NBEAL1: variants seen among roughly 807,000 people sequenced by gnomAD.
NBEAL1 encodes the protein neurobeachin-like protein 1.
In NBEAL1, 273 loss-of-function variants were observed where a neutral mutation model predicts 351.3. That is an observed-to-expected ratio of 0.78 (90% CI 0.70 to 0.86). The LOEUF (loss-of-function observed/expected upper bound fraction) is 0.86, where lower values mean the gene tolerates loss of function less well. Ranked by LOEUF, NBEAL1 falls within the 40% of genes least tolerant of loss-of-function variation. The pLI is 0.00. For missense variants in NBEAL1, 2,961 were observed against 3,201.3 expected (o/e 0.92, Z 1.81); for synonymous variants, 1,050 against 1,086.4 (o/e 0.97, Z 0.66).
chr2:203,161,362 G>A (rs1257961895), intron 36 of NBEAL1, among the ~76,000 whole-genome samples: 6 of 150,482 alleles, frequency 4.0e-5, no homozygotes, highest in African/African-American at 1.5e-4. Flanking sequence ...CAGGCGTGGT[G>A]GTTCACGCCT....
intron 9 of NBEAL1, among the ~76,000 whole-genome samples, chr2:203,083,871 C>T (rs1379753859): frequency 2.0e-5 from 3 of 152,096 alleles, no homozygotes; most frequent in South Asian, 4.1e-4. Context: ...GAGTCACATA[C>T]AGTGAATTTT....
rs2065946153 is a variant in NBEAL1 at position 203,220,782 on chromosome 2, A to G, written c.*3428A>G. Among the ~76,000 whole-genome samples, 1 of 152,194 alleles carries G rather than the reference A, an allele frequency of 6.6e-6. No individual in the cohort carries two copies. The highest frequency in any genetic ancestry group is 2.4e-5 in the African/African-American group (1 of 41,460). On this transcript the variant is annotated 3_prime_UTR_variant, in exon 56 of 56. Coordinates refer to ENST00000683969, the MANE Select transcript of NBEAL1 (RefSeq NM_001378026.1). The stretch of plus-strand genomic sequence containing the variant: ...AATAGATCAGGGCATAAAAATCAGG[A>G]AAGTATATAAAAATGAAGTTTGGCA...
Position 203,213,556 on chromosome 2 carries a change from C to G in NBEAL1, c.7973C>G (p.Pro2658Arg). ...LSINPLAMRL[P>R]IHCVCVTKEY... ...ATCAACCCATTAGCCATGCGACTGC[C>G]TATCCATTGTGTTTGTGTCACCAAA... Residue 2658 changes from proline (P) to arginine (R), a missense_variant, in exon 55 of 56, where the codon CCT becomes CGT. Coordinates refer to ENST00000683969, the MANE Select transcript of NBEAL1 (RefSeq NM_001378026.1). 3.7e-6 allele frequency: 6 copies of G among 1,613,892 alleles called. No homozygotes were observed. The highest frequency in any genetic ancestry group is 5.1e-6 in the Non-Finnish European group (6 of 1,179,856).
intron 54 of NBEAL1, among the ~76,000 whole-genome samples, chr2:203,213,273 G>T (rs939334351): frequency 2.0e-5 from 3 of 152,030 alleles, no homozygotes; most frequent in African/African-American, 7.2e-5. Flanking sequence ...TATTTTGTTT[G>T]ATTATATATG....
chr2:203,043,684 G>A lies in NBEAL1; in HGVS notation c.143+1828G>A, dbSNP rs546499256. Among the ~76,000 whole-genome samples, 7 of 150,760 alleles carry A rather than the reference G, an allele frequency of 4.6e-5. No homozygotes were observed. The South Asian group carries it at 8.4e-4, about 18-fold the overall frequency. On this transcript the variant is annotated intron_variant, in intron 3 of 55. Coordinates refer to ENST00000683969, the MANE Select transcript of NBEAL1 (RefSeq NM_001378026.1). ...GTTGAGGCTGTAGTGTGCTGTGATC[G>A]TGCCACTGCACTCCAGCCTGGGTGA...
chr2:203,127,863 C>A lies in NBEAL1; in HGVS notation c.3331C>A (p.Leu1111Met). Residue 1111 changes from leucine to methionine, a missense_variant, in exon 24 of 56, where the codon CTG (leucine) becomes ATG (methionine). Coordinates refer to ENST00000683969, the MANE Select transcript of NBEAL1 (RefSeq NM_001378026.1). ...TTTGTATGGACTAATTAAATATTTT[C>A]TGTGCAAAGGTGGATCTCATGAAGA... Reference protein sequence around the residue: ...TSLYGLIKYFLCKGGSHEEIQ... With the variant: ...TSLYGLIKYFMCKGGSHEEIQ... 1 of 1,550,150 alleles carries A rather than the reference C, an allele frequency of 6.5e-7. No individual in the cohort carries two copies. The highest frequency in any genetic ancestry group is 8.7e-7 in the Non-Finnish European group (1 of 1,143,882).
chr2:203,176,928 G>T (rs895636899), intron 42 of NBEAL1, among the ~76,000 whole-genome samples: 7 of 151,954 alleles, frequency 4.6e-5, no homozygotes, highest in Non-Finnish European at 8.8e-5. Context: ...AGGTCAGGTG[G>T]ATCACTTGAG....
chr2:203,122,418 G>A, intron 19 of NBEAL1, 75 bp downstream of exon 19: 1 of 895,258 alleles, frequency 1.1e-6, no homozygotes, highest in South Asian at 1.6e-5. Context: ...TGTTTTTAAA[G>A]CACTGCCAGA....
At position 203,220,516 on chromosome 2, in the gene NBEAL1, CT is replaced by C. The variant is rs1157188971; in HGVS notation, c.*3167del. Among the ~76,000 whole-genome samples, 1 of 151,748 alleles carries C rather than the reference CT, an allele frequency of 6.6e-6. No homozygotes were observed. Among genetic ancestry groups the C allele is most frequent in the East Asian group, 1.9e-4 (1 of 5,176 alleles). On this transcript the variant is annotated 3_prime_UTR_variant, in exon 56 of 56. Transcript: ENST00000683969. ...AAAAAAGTCTGTTATCTTTGCAAAA[CT>C]TTTTGTATGCTTTTGTTTCTTGATA...
At chr2:203,077,554 CG>C (rs944281392) in intron 7 of NBEAL1, among the ~76,000 whole-genome samples, 197 bp from the exon 8 acceptor site, 1 of 152,100 alleles carries the variant, frequency 6.6e-6, no homozygotes, top group African/African-American at 2.4e-5. Context: ...AGTGAGATGA[CG>C]TAAATACCTA....
chr2:203,182,976 AT>A (rs902606388), intron 43 of NBEAL1: 6 of 180,348 alleles, frequency 3.3e-5, no homozygotes, highest in Non-Finnish European at 6.9e-5. Flanking sequence ...TGTCCCTCTC[AT>A]TATTTTAAGT....
At chr2:203,099,316 A>G (rs2062255711) in intron 11 of NBEAL1, among the ~76,000 whole-genome samples, 2 of 151,804 alleles carry the variant, frequency 1.3e-5, no homozygotes, top group Non-Finnish European at 2.9e-5. Flanking sequence ...CCAATGAATG[A>G]TAGACCTCCC....
chr2:203,015,364 G>C (rs2060660039), intron 1 of NBEAL1, among the ~76,000 whole-genome samples: 1 of 152,096 alleles, frequency 6.6e-6, no homozygotes, highest in South Asian at 2.1e-4. Flanking sequence ...TGGGCGGGTG[G>C]ACTTCCACTC....
rs184283153 is a variant in NBEAL1, at chr2:203,221,592, C to G, written c.*4238C>G. ...ATCATCAGCCATACTCATGGCTTAT[C>G]CTACGCATTGTTCCTCTCATCAGCT... is the stretch of plus-strand genomic sequence containing the variant. On this transcript the variant is annotated 3_prime_UTR_variant, in exon 56 of 56. Coordinates refer to ENST00000683969, the MANE Select transcript of NBEAL1 (RefSeq NM_001378026.1). Among the ~76,000 whole-genome samples the G allele has an allele frequency of 2.3e-3, 343 of 152,214 alleles. 1 individual carries two copies. Among genetic ancestry groups the G allele is most frequent in the Non-Finnish European group, 4.6e-3 (315 of 68,012 alleles).
intron 44 of NBEAL1, among the ~76,000 whole-genome samples, chr2:203,187,572 G>A (rs938965103): frequency 4.7e-5 from 7 of 150,488 alleles, no homozygotes; most frequent in South Asian, 2.1e-4. Context: ...AAACCCCATC[G>A]CTACTAAAAA....
At chr2:203,193,548 T>C (rs1302702434) in intron 46 of NBEAL1, among the ~76,000 whole-genome samples, 3 of 151,914 alleles carry the variant, frequency 2.0e-5, no homozygotes, top group Non-Finnish European at 4.4e-5. Flanking sequence ...TAAAAGAGAA[T>C]AATACATTCT....
At chr2:203,029,809 C>G (rs2060922302) in intron 2 of NBEAL1, among the ~76,000 whole-genome samples, 1 of 151,970 alleles carries the variant, frequency 6.6e-6, no homozygotes, top group Admixed American at 6.6e-5. Context: ...TACAATATTA[C>G]TACTTTTGTT....
chr2:203,148,561 A>G (rs2063566716), intron 33 of NBEAL1, among the ~76,000 whole-genome samples: 1 of 152,120 alleles, frequency 6.6e-6, no homozygotes, highest in African/African-American at 2.4e-5. Flanking sequence ...CATTAATTTC[A>G]CAGATTAAAA....
rs368351172 is a variant in NBEAL1, at chr2:203,135,927, C to T, written c.4064C>T (p.Ser1355Leu). 206 of 1,614,144 alleles carry T rather than the reference C, an allele frequency of 1.3e-4. No individual in the cohort carries two copies. The highest frequency in any genetic ancestry group is 1.5e-4 in the South Asian group (14 of 91,078). The change falls in exon 28 of 56, where the codon TCG becomes TTG. Residue 1355 changes from serine to leucine, a missense_variant. By Grantham distance (145) the Ser-to-Leu change is moderately radical. Transcript: ENST00000683969. The stretch of plus-strand genomic sequence containing the variant: ...TCTTTTGCCTCAGCTAATGTGTCTT[C>T]GGATCAGTGGAGTTTGGAGGATAGA... ...ITSFASANVS[S>L]DQWSLEDRHS... is the part of the protein sequence containing the mutation.
Sources: allele counts gnomAD v4.1 joint callset (sites outside exome capture counted in the v4.1 genomes callset), GRCh38; gene constraint gnomAD v4.1.1; transcripts MANE v1.5; gene names NCBI Gene and HGNC (gene_info 2026-07-23, HGNC 2026-07-21).